Variants in NHERF1 observed in about 807,000 individuals in gnomAD.
The protein encoded by NHERF1 is NHERF family PDZ scaffold protein 1.
chr17:74,754,730 C>T, the NHERF1 span, among the ~76,000 whole-genome samples: 12 of 152,250 alleles, frequency 7.9e-5, no homozygotes, highest in South Asian at 2.1e-4. Flanking sequence ...CCACCTGCCT[C>T]GGTCTCCCAA....
At chr17:74,766,127 C>A in the NHERF1 span, among the ~76,000 whole-genome samples, 1 of 152,146 alleles carries the variant, frequency 6.6e-6, no homozygotes, top group South Asian at 2.1e-4. Flanking sequence ...CCTTGTGACC[C>A]ATCAGTGCCT....
chr17:74,750,170 C>T, the NHERF1 span, among the ~76,000 whole-genome samples: 2 of 152,204 alleles, frequency 1.3e-5, no homozygotes, highest in Non-Finnish European at 2.9e-5. Context: ...ACTCTGGTGC[C>T]CACACAGCCA....
At chr17:74,768,169 C>T in the NHERF1 span, 1 of 1,612,764 alleles carries the variant, frequency 6.2e-7, no homozygotes, top group East Asian at 2.2e-5. Flanking sequence ...GAAGCCCTGG[C>T]AGAGGCAGCC....
the NHERF1 span, among the ~76,000 whole-genome samples, chr17:74,753,916 C>T: frequency 3.3e-5 from 5 of 151,696 alleles, no homozygotes; most frequent in East Asian, 1.9e-4. Context: ...TTTGGGAGGC[C>T]GAGGCGGGTG....
the NHERF1 span, chr17:74,748,666 C>G: frequency 6.7e-6 from 4 of 593,218 alleles, 1 homozygote; most frequent in Middle Eastern, 7.8e-4. The surrounding 1 kb of genome is among the most constrained non-coding windows in gnomAD (Gnocchi z 4.3). Flanking sequence ...GTGGTCCTCT[C>G]TCGGCTCCTC....
At chr17:74,753,182 C>T in the NHERF1 span, among the ~76,000 whole-genome samples, 2 of 152,206 alleles carry the variant, frequency 1.3e-5, no homozygotes, top group Non-Finnish European at 2.9e-5. Flanking sequence ...CAACCCTCAG[C>T]CTCCACCTCT....
At chr17:74,768,344 A>T in the NHERF1 span, 8 of 1,389,098 alleles carry the variant, frequency 5.8e-6, no homozygotes, top group Non-Finnish European at 1.0e-6. Context: ...GCTGAGCCGC[A>T]TTCTGTTCTT....
chr17:74,768,773 C>G, the NHERF1 span: 1 of 839,700 alleles, frequency 1.2e-6, no homozygotes, highest in African/African-American at 1.7e-5. Flanking sequence ...CATCCCCTTT[C>G]TTGACAAATG....
chr17:74,748,776 G>T, the NHERF1 span: 1 of 1,361,706 alleles, frequency 7.3e-7, no homozygotes, highest in Non-Finnish European at 1.0e-6. The surrounding 1 kb of genome is among the most constrained non-coding windows in gnomAD (Gnocchi z 4.3). Flanking sequence ...TGGACGGGAA[G>T]AAGGGCTGGG....
chr17:74,750,186 C>T, the NHERF1 span, among the ~76,000 whole-genome samples: 1 of 152,226 alleles, frequency 6.6e-6, no homozygotes, highest in Non-Finnish European at 1.5e-5. Flanking sequence ...AGCCAGCAGG[C>T]CGGTTGCTTT....
At chr17:74,759,423 G>A in the NHERF1 span, among the ~76,000 whole-genome samples, 1 of 152,202 alleles carries the variant, frequency 6.6e-6, no homozygotes, top group Non-Finnish European at 1.5e-5. Context: ...GATCAGTAAG[G>A]GAAGCCCACA....
At chr17:74,749,797 C>T in the NHERF1 span, among the ~76,000 whole-genome samples, 1 of 152,204 alleles carries the variant, frequency 6.6e-6, no homozygotes, top group Non-Finnish European at 1.5e-5. This position sits in a 1 kb window ranked among gnomAD's most constrained non-coding sequence, Gnocchi z 5.6. Flanking sequence ...CGAGGAGGCC[C>T]TCTCCGCAGC....
At chr17:74,768,919 C>A in the NHERF1 span, 1 of 511,442 alleles carries the variant, frequency 2.0e-6, no homozygotes, top group Non-Finnish European at 3.6e-6. Flanking sequence ...CCTTTGCCAC[C>A]CTGCCTGGGA....
At chr17:74,755,001 C>T in the NHERF1 span, among the ~76,000 whole-genome samples, 11 of 152,174 alleles carry the variant, frequency 7.2e-5, no homozygotes, top group Non-Finnish European at 4.4e-5. Flanking sequence ...GTGGCCATGG[C>T]GGGTCCCAGG....
At chr17:74,758,160 G>T in the NHERF1 span, among the ~76,000 whole-genome samples, 9 of 152,360 alleles carry the variant, frequency 5.9e-5, no homozygotes, top group Middle Eastern at 3.4e-3. The surrounding 1 kb of genome is among the most constrained non-coding windows in gnomAD (Gnocchi z 4.3). Context: ...CGGTCACTGG[G>T]ATTAGGGTAT....
the NHERF1 span, among the ~76,000 whole-genome samples, chr17:74,767,271 C>A: frequency 3.9e-5 from 6 of 152,230 alleles, no homozygotes; most frequent in African/African-American, 1.2e-4. Context: ...ATTCTTCCCC[C>A]CAAGAACAGA....
At chr17:74,758,578 G>A in the NHERF1 span, among the ~76,000 whole-genome samples, 3 of 152,104 alleles carry the variant, frequency 2.0e-5, no homozygotes, top group Non-Finnish European at 4.4e-5. This position sits in a 1 kb window ranked among gnomAD's most constrained non-coding sequence, Gnocchi z 4.3. Flanking sequence ...GGCTGTCGTC[G>A]TCACTGGAGG....
chr17:74,768,037 A>T, the NHERF1 span: 1 of 821,364 alleles, frequency 1.2e-6, no homozygotes, highest in Non-Finnish European at 2.2e-6. Context: ...CCAGGGCATC[A>T]GTGCTACCTC....
At chr17:74,767,816 C>T in the NHERF1 span, among the ~76,000 whole-genome samples, 8 of 152,298 alleles carry the variant, frequency 5.3e-5, no homozygotes, top group African/African-American at 1.9e-4. Flanking sequence ...CAAGAAGCCC[C>T]TCCCTGGTCA....
Sources: gnomAD v4.1 joint callset for allele counts (sites outside exome capture counted in the v4.1 genomes callset) on GRCh38, gnomAD v4.1.1 for gene constraint, Gnocchi (gnomAD v3.1) non-coding constraint, MANE v1.5 for transcripts, NCBI Gene and HGNC (gene_info 2026-07-23, HGNC 2026-07-21) for gene names.